Variants in PRRC2B observed in about 807,000 individuals in gnomAD.
PRRC2B encodes proline rich coiled-coil 2B.
In PRRC2B, 68 loss-of-function variants were observed where a neutral mutation model predicts 242.3. The ratio of observed to expected loss-of-function variants is 0.28; its 90% CI spans 0.23 to 0.34. PRRC2B has a LOEUF of 0.34. Ranked by LOEUF, PRRC2B falls within the 10% of genes least tolerant of loss-of-function variation. The pLI is 1.00. For missense variants in PRRC2B, 2,835 were observed against 2,954.8 expected (o/e 0.96, Z 0.94); for synonymous variants, 1,228 against 1,173.6 (o/e 1.05, Z -0.95).
chr9:131,451,122 G>T (rs1230978638), intron 9 of PRRC2B, among the ~76,000 whole-genome samples: 1 of 152,108 alleles, frequency 6.6e-6, no homozygotes, highest in African/African-American at 2.4e-5. Flanking sequence ...AGCTGAGGCC[G>T]GGCGCAGTGG....
intron 28 of PRRC2B, among the ~76,000 whole-genome samples, chr9:131,488,873 C>T (rs1004680116): frequency 1.3e-5 from 2 of 152,158 alleles, no homozygotes; most frequent in Non-Finnish European, 2.9e-5. Flanking sequence ...GTATTTGGCA[C>T]CTTTGAAGGT....
chr9:131,453,006 T>A (rs1486232739), intron 9 of PRRC2B, among the ~76,000 whole-genome samples: 1 of 152,248 alleles, frequency 6.6e-6, no homozygotes, highest in Non-Finnish European at 1.5e-5. Context: ...TCTGCTTCTA[T>A]GAGTTAAGGA....
At chr9:131,469,936 T>C (rs1943494139) in intron 13 of PRRC2B, among the ~76,000 whole-genome samples, 1 of 152,154 alleles carries the variant, frequency 6.6e-6, no homozygotes, top group African/African-American at 2.4e-5. Context: ...TCAGCTGCTG[T>C]GAGTGCAACA....
Position 131,478,635 on chromosome 9 carries a change from T to TGGGGGGGGGGAGGGG in PRRC2B, c.4758+23_4758+24insGGGAGGGGGGGGGGG. ...GGCCGTGCAGGTGAGGGGCGGAGGG[T>TGGGGGGGGGGAGGGG]GGGGGGGCATGGGGCTGGAGGGCAG... On this transcript the variant is annotated intron_variant, in intron 18 of 31. Transcript: ENST00000683519. 1 of 176,696 alleles carries TGGGGGGGGGGAGGGG rather than the reference T, an allele frequency of 5.7e-6. No individual in the cohort carries two copies. Among genetic ancestry groups the TGGGGGGGGGGAGGGG allele is most frequent in the Admixed American group, 7.0e-5 (1 of 14,324 alleles). 10.9% of individuals were successfully genotyped at this position (176,696 alleles called of 1,614,324 possible).
intron 1 of PRRC2B, among the ~76,000 whole-genome samples, chr9:131,419,168 A>C (rs1023900247): frequency 2.6e-5 from 4 of 152,208 alleles, no homozygotes; most frequent in Non-Finnish European, 5.9e-5. Flanking sequence ...TATTGCCCCA[A>C]AGTGGGAAGC....
At chr9:131,434,046 A>G (rs1292654808) in intron 3 of PRRC2B, among the ~76,000 whole-genome samples, 1 of 152,066 alleles carries the variant, frequency 6.6e-6, no homozygotes, top group East Asian at 1.9e-4. Context: ...GAATTGTTTG[A>G]CTTCTGAGCC....
rs1466580176 is a variant in PRRC2B at position 131,461,752 on chromosome 9, GCTGATCTACC to G, written c.1404+2408_1404+2417del. On this transcript the variant is annotated intron_variant, in intron 11 of 31. Coordinates refer to ENST00000683519, the MANE Select transcript of PRRC2B (RefSeq NM_013318.4). Reference sequence around the variant, plus strand: ...GACAGGGTTTTGCCATGTTGGCCAGGCTGATCTACCCTGATCTACCCACCTTGGCCTCCCA... The same window carrying G: ...GACAGGGTTTTGCCATGTTGGCCAGGCTGATCTACCCACCTTGGCCTCCCA... Among the ~76,000 whole-genome samples, 4 of 152,250 alleles carry G rather than the reference GCTGATCTACC, an allele frequency of 2.6e-5. No homozygotes were observed. In the East Asian group the frequency reaches 5.8e-4, roughly 22 times the overall value.
upstream of PRRC2B, among the ~76,000 whole-genome samples, chr9:131,393,532 C>A (rs979809170): frequency 6.6e-6 from 1 of 152,360 alleles, no homozygotes; most frequent in East Asian, 1.9e-4. Context: ...TATTGTGCAA[C>A]AACCTTGCTT....
chr9:131,481,638 C>A, intron 19 of PRRC2B, 88 bp from the exon 20 acceptor site: 1 of 1,070,842 alleles, frequency 9.3e-7, no homozygotes, highest in Non-Finnish European at 1.4e-6. Flanking sequence ...TTTCTGCAAG[C>A]TGTGCCTGTG....
At chr9:131,407,726 CTGAGTT>C (rs1333640766) in intron 1 of PRRC2B, among the ~76,000 whole-genome samples, 6 of 152,136 alleles carry the variant, frequency 3.9e-5, no homozygotes. Flanking sequence ...TTTGTCTCGG[CTGAGTT>C]GATGAACGTC....
chr9:131,472,118 A>G (rs1280943074), intron 14 of PRRC2B, among the ~76,000 whole-genome samples: 2 of 152,182 alleles, frequency 1.3e-5, no homozygotes, highest in East Asian at 3.8e-4. Context: ...TAGCAATATA[A>G]TAATTATAGT....
intron 4 of PRRC2B, among the ~76,000 whole-genome samples, chr9:131,437,532 A>T (rs1426929976): frequency 6.6e-6 from 1 of 152,206 alleles, no homozygotes; most frequent in Non-Finnish European, 1.5e-5. Flanking sequence ...GTAGACGTAG[A>T]TATCTCATAT....
At chr9:131,402,714 A>G (rs1461631028) in intron 1 of PRRC2B, among the ~76,000 whole-genome samples, 1 of 152,186 alleles carries the variant, frequency 6.6e-6, no homozygotes, top group Non-Finnish European at 1.5e-5. Flanking sequence ...TGGAAAATGT[A>G]GCTGACTCGA....
At chr9:131,413,088 C>T (rs552291614) in intron 1 of PRRC2B, among the ~76,000 whole-genome samples, 2 of 152,190 alleles carry the variant, frequency 1.3e-5, no homozygotes, top group South Asian at 4.1e-4. Context: ...AATTAATGTA[C>T]TTTATATTCT....
At position 131,448,549 on chromosome 9, in the gene PRRC2B, A is replaced by AAAAAAAAAAAAAAC. The variant is rs1564287285; in HGVS notation, c.1120+758_1120+759insCAAAAAAAAAAAAA. Among the ~76,000 whole-genome samples the AAAAAAAAAAAAAAC allele has an allele frequency of 4.4e-4, 38 of 85,922 alleles. 4 individuals carry two copies. Among genetic ancestry groups the AAAAAAAAAAAAAAC allele is most frequent in the South Asian group, 1.1e-3 (3 of 2,808 alleles). The allele number at this position is 85,922 out of a possible 152,430, so 56.4% of individuals were successfully genotyped here. A position where few individuals can be genotyped will look rare whatever the true frequency, so the allele number is the denominator to read the frequency against. On this transcript the variant is annotated intron_variant, in intron 9 of 31. Transcript: ENST00000683519. Reference sequence around the variant, plus strand: ...ACAGAGGGAGACACTGTCTCAAAAAAAAAAAAAAAAAAAAAAAAAAAGGAA... The same window carrying AAAAAAAAAAAAAAC: ...ACAGAGGGAGACACTGTCTCAAAAAAAAAAAAAAAAAAACAAAAAAAAAAAAAAAAAAAAAGGAA...
intron 1 of PRRC2B, among the ~76,000 whole-genome samples, chr9:131,429,115 T>A (rs949804492): frequency 2.0e-5 from 3 of 152,148 alleles, no homozygotes; most frequent in Non-Finnish European, 4.4e-5. Flanking sequence ...CCTGGCTAAT[T>A]TTTGTGTTTT....
chr9:131,442,004 C>A (rs1392863434), intron 5 of PRRC2B, among the ~76,000 whole-genome samples: 2 of 151,990 alleles, frequency 1.3e-5, no homozygotes, highest in Non-Finnish European at 2.9e-5. Context: ...TACCCTTTAT[C>A]CTTATTAAGA....
chr9:131,400,568 T>G (rs370076532), intron 1 of PRRC2B, among the ~76,000 whole-genome samples: 2 of 152,186 alleles, frequency 1.3e-5, no homozygotes, highest in East Asian at 3.9e-4. Context: ...TCCACCTGCC[T>G]TGGCCTCCCA....
At chr9:131,428,299 C>T (rs1838027923) in intron 1 of PRRC2B, among the ~76,000 whole-genome samples, 1 of 152,100 alleles carries the variant, frequency 6.6e-6, no homozygotes, top group African/African-American at 2.4e-5. Context: ...TAGCTCACTG[C>T]AGCCTCAAGC....
Sources: allele counts gnomAD v4.1 joint callset (sites outside exome capture counted in the v4.1 genomes callset), GRCh38; gene constraint gnomAD v4.1.1; transcripts MANE v1.5; gene names NCBI Gene and HGNC (gene_info 2026-07-23, HGNC 2026-07-21).